The following NBAS variants were observed in gnomAD, a reference collection of about 807,000 sequenced individuals.
NBAS encodes NBAS subunit of NRZ tethering complex.
NBAS carries 219 observed loss-of-function variants against 302.5 expected under a neutral mutation model. That is an observed-to-expected ratio of 0.72 (90% CI 0.65 to 0.81). NBAS has a LOEUF of 0.81. Among genes scored for constraint, NBAS ranks in the 30% least tolerant of loss-of-function variants. NBAS has a pLI of 0.00. For missense variants in NBAS, 2,932 were observed against 2,841.6 expected, an observed-to-expected ratio of 1.03 and a Z score of -0.72; for synonymous variants, 1,118 against 1,021.6, an observed-to-expected ratio of 1.09 and a Z score of -1.80.
chr2:15,234,960 G>A (rs1304157236), intron 45 of NBAS, among the ~76,000 whole-genome samples: 1 of 152,158 alleles, frequency 6.6e-6, no homozygotes, highest in Non-Finnish European at 1.5e-5. Context: ...ATTAGTTAGT[G>A]GGCCTTTGTG....
the NBAS span, among the ~76,000 whole-genome samples, chr2:15,107,567 G>T: frequency 6.6e-6 from 1 of 152,212 alleles, no homozygotes; most frequent in East Asian, 1.9e-4. Context: ...GGGTTCAAGG[G>T]CAGGGACCAA....
chr2:15,236,228 AAT>A (rs2147938187), intron 45 of NBAS, among the ~76,000 whole-genome samples: 1 of 152,210 alleles, frequency 6.6e-6, no homozygotes, highest in Admixed American at 6.5e-5. Context: ...TTTTATCAAT[AAT>A]CCCCTTGAAT....
intron 47 of NBAS, among the ~76,000 whole-genome samples, chr2:15,220,875 G>C (rs1666920898): frequency 6.6e-6 from 1 of 151,828 alleles, no homozygotes. Flanking sequence ...TTTAACTTCT[G>C]AGAAGAATAC....
chr2:15,348,509 A>G (rs1332732229), intron 35 of NBAS, among the ~76,000 whole-genome samples: 1 of 152,108 alleles, frequency 6.6e-6, no homozygotes, highest in Non-Finnish European at 1.5e-5. Flanking sequence ...GAAGTCCCCA[A>G]AGTCACAAAA....
chr2:15,198,628 G>C (rs934656923), intron 48 of NBAS, among the ~76,000 whole-genome samples: 3 of 152,154 alleles, frequency 2.0e-5, no homozygotes, highest in African/African-American at 7.2e-5. Context: ...ATGTTCCAAA[G>C]GTTGAAAATA....
chr2:15,435,466 A>G (rs559465811), intron 21 of NBAS, among the ~76,000 whole-genome samples: 2 of 152,342 alleles, frequency 1.3e-5, no homozygotes, highest in South Asian at 4.1e-4. Flanking sequence ...GTAAGCAATT[A>G]CATATGTAAA....
intron 25 of NBAS, among the ~76,000 whole-genome samples, chr2:15,414,682 C>T (rs1180367130): frequency 4.6e-5 from 7 of 152,270 alleles, no homozygotes; most frequent in East Asian, 1.9e-4. Flanking sequence ...CAGTGGCTCA[C>T]GCCTGTAATC....
At chr2:15,517,674 G>A (rs1002657785) in intron 9 of NBAS, among the ~76,000 whole-genome samples, 3 of 147,936 alleles carry the variant, frequency 2.0e-5, no homozygotes, top group African/African-American at 8.0e-5. Flanking sequence ...TATTGTAAAT[G>A]GAAAATACTG....
chr2:15,496,589 A>C (rs574835521), intron 11 of NBAS, among the ~76,000 whole-genome samples: 2 of 152,146 alleles, frequency 1.3e-5, no homozygotes, highest in Middle Eastern at 3.4e-3. Flanking sequence ...GGAAGGAAGA[A>C]AGCATGGGAG....
the NBAS span, among the ~76,000 whole-genome samples, chr2:15,127,272 CACTG>C: frequency 1.9e-3 from 282 of 152,364 alleles, 1 homozygote; most frequent in Middle Eastern, 0.014. Context: ...CTTAAAATCT[CACTG>C]ACTTAGATTT....
In NBAS at chr2:15,289,779, C is replaced by T. The variant is rs534112893; in HGVS notation, c.5028-2596G>A. Among the ~76,000 whole-genome samples the T allele has an allele frequency of 4.6e-5, 7 of 152,234 alleles. No homozygotes were observed. In the East Asian group the frequency reaches 1.2e-3, roughly 25 times the overall value. Reference sequence around the variant, plus strand: ...TTGAGAGGCCAAGGCAGGCGGATCACGAGGTCAGGAGATTGAGACCATCCT... The same window carrying T: ...TTGAGAGGCCAAGGCAGGCGGATCATGAGGTCAGGAGATTGAGACCATCCT... On this transcript the variant is annotated intron_variant, in intron 41 of 51. Transcript: ENST00000281513.
At chr2:15,214,362 A>C (rs1311404347) in intron 48 of NBAS, among the ~76,000 whole-genome samples, 1 of 152,252 alleles carries the variant, frequency 6.6e-6, no homozygotes, top group Non-Finnish European at 1.5e-5. Flanking sequence ...TGGAGAATTA[A>C]GACAGCAATA....
the NBAS span, among the ~76,000 whole-genome samples, chr2:14,904,296 C>T: frequency 5.3e-5 from 8 of 152,250 alleles, no homozygotes; most frequent in South Asian, 8.3e-4. Context: ...CAGTCTGAGT[C>T]CAGAAACCTC....
At chr2:15,123,011 A>T in the NBAS span, among the ~76,000 whole-genome samples, 1 of 152,180 alleles carries the variant, frequency 6.6e-6, no homozygotes, top group Non-Finnish European at 1.5e-5. Flanking sequence ...TAGAGCCCTG[A>T]CAAGGCACTC....
chr2:15,033,362 G>T, the NBAS span, among the ~76,000 whole-genome samples: 1 of 152,036 alleles, frequency 6.6e-6, no homozygotes, highest in African/African-American at 2.4e-5. Flanking sequence ...GATTAATCAC[G>T]CCTTGAGTTT....
In NBAS at chr2:15,353,289, T is replaced by C. The variant is rs999512783; in HGVS notation, c.4089+264A>G. 3.9e-5 allele frequency among the ~76,000 whole-genome samples: 6 copies of C among 152,336 alleles called. No homozygotes were observed. In the East Asian group the frequency reaches 1.2e-3, roughly 29 times the overall value. On this transcript the variant is annotated intron_variant, in intron 34 of 51. Coordinates refer to ENST00000281513, the MANE Select transcript of NBAS (RefSeq NM_015909.4). ...TAATTCACAACACTAACTTTCCCCA[T>C]TATTTTCAATAATTTCTTTCCAAAT...
chr2:15,227,901 G>A (rs1435999513), intron 47 of NBAS, among the ~76,000 whole-genome samples: 1 of 151,962 alleles, frequency 6.6e-6, no homozygotes, highest in Non-Finnish European at 1.5e-5. Context: ...GAAAACACAA[G>A]ACAAAAGTAT....
the NBAS span, among the ~76,000 whole-genome samples, chr2:14,901,336 AATT>A: frequency 6.6e-6 from 1 of 152,218 alleles, no homozygotes; most frequent in African/African-American, 2.4e-5. Context: ...GAGTTCAAAA[AATT>A]ATAAGTTTAA....
the NBAS span, among the ~76,000 whole-genome samples, chr2:15,139,856 CAGT>C: frequency 3.3e-5 from 5 of 152,248 alleles, no homozygotes; most frequent in East Asian, 9.7e-4. Flanking sequence ...GTAGAGTGTA[CAGT>C]AGTTGGTAAC....
Sources: gnomAD v4.1 joint callset for allele counts (sites outside exome capture counted in the v4.1 genomes callset) on GRCh38, gnomAD v4.1.1 for gene constraint, MANE v1.5 for transcripts, NCBI Gene and HGNC (gene_info 2026-07-23, HGNC 2026-07-21) for gene names.